KIF26B: variants seen among roughly 807,000 people sequenced by gnomAD.
The protein encoded by KIF26B is kinesin family member 26B, also known as kinesin-like protein KIF26B.
KIF26B carries 63 observed loss-of-function variants against 151.2 expected under a neutral mutation model. The observed-to-expected ratio is 0.42, with a 90% CI of 0.34 to 0.51. The LOEUF (loss-of-function observed/expected upper bound fraction) is 0.51, where lower values mean the gene tolerates loss of function less well. KIF26B is among the 20% of genes least tolerant of loss of function. The probability of loss-of-function intolerance (pLI) is 0.07; values close to 1 mark genes in which losing one functional copy is unlikely to be tolerated. For missense variants in KIF26B, 2,813 were observed against 2,913.6 expected (o/e 0.97, Z 0.79); for synonymous variants, 1,357 against 1,262.1 (o/e 1.08, Z -1.59).
intron 4 of KIF26B, among the ~76,000 whole-genome samples, chr1:245,518,486 A>C (rs1210782306): frequency 2.6e-5 from 4 of 152,340 alleles, no homozygotes; most frequent in Admixed American, 1.3e-4. Flanking sequence ...GATAAAGTCT[A>C]AACAACTTGA....
chr1:245,437,176 C>T (rs750832590), intron 4 of KIF26B, among the ~76,000 whole-genome samples: 14 of 152,140 alleles, frequency 9.2e-5, no homozygotes, highest in African/African-American at 1.9e-4. Context: ...CATGAGCCAC[C>T]GCACCTGGCC....
intron 5 of KIF26B, among the ~76,000 whole-genome samples, chr1:245,595,145 AC>A (rs1319089587): frequency 1.3e-5 from 2 of 152,132 alleles, no homozygotes; most frequent in Non-Finnish European, 2.9e-5. Flanking sequence ...CTATTTGGAT[AC>A]CCTTTATTTC....
rs1285472516 is a variant in KIF26B, at chr1:245,707,839, CT to C, written c.*5235del. On this transcript the variant is annotated 3_prime_UTR_variant, in exon 15 of 15. Transcript: ENST00000407071. Reference sequence around the variant, plus strand: ...GCTTGCACGGAAGAGGACTCAGCCTCTTCCTAATGGTTCAACATTCAATTCC... The same window carrying C: ...GCTTGCACGGAAGAGGACTCAGCCTCTCCTAATGGTTCAACATTCAATTCC... 1 of 152,230 alleles carries C rather than the reference CT, an allele frequency of 6.6e-6. No homozygotes were observed. The highest frequency in any genetic ancestry group is 1.5e-5 in the Non-Finnish European group (1 of 68,042). The allele number at this position is 152,230 out of a possible 1,614,324, so 9.4% of individuals were successfully genotyped here.
intron 5 of KIF26B, among the ~76,000 whole-genome samples, chr1:245,576,563 C>T (rs1235261312): frequency 6.6e-6 from 1 of 152,224 alleles, no homozygotes. Context: ...AGCCTGCTCA[C>T]CAGCTCTGGA....
At chr1:245,604,189 C>T (rs1205702421) in intron 6 of KIF26B, among the ~76,000 whole-genome samples, 16 of 152,158 alleles carry the variant, frequency 1.1e-4, no homozygotes, top group Admixed American at 7.2e-4. Flanking sequence ...GTTTCTAGTG[C>T]TTATCAAGAT....
chr1:245,494,080 G>C (rs1660461831), intron 4 of KIF26B, among the ~76,000 whole-genome samples: 1 of 151,958 alleles, frequency 6.6e-6, no homozygotes, highest in African/African-American at 2.4e-5. Context: ...GAGGTGGGTG[G>C]ATCACCTGAG....
chr1:245,268,560 A>C (rs561387721), intron 2 of KIF26B, among the ~76,000 whole-genome samples: 1 of 151,004 alleles, frequency 6.6e-6, no homozygotes. Flanking sequence ...AATGTGAGGG[A>C]AGTTAGCAGC....
chr1:245,519,471 T>C (rs1412266525), intron 4 of KIF26B, among the ~76,000 whole-genome samples: 1 of 151,954 alleles, frequency 6.6e-6, no homozygotes, highest in African/African-American at 2.4e-5. Context: ...AGAGAATTGC[T>C]TTAACTCAGG....
chr1:245,659,186 T>C (rs749807946), intron 10 of KIF26B, among the ~76,000 whole-genome samples: 74 of 152,246 alleles, frequency 4.9e-4, no homozygotes, highest in Non-Finnish European at 9.0e-4. Context: ...TGCAGTCAGC[T>C]ATGATCATGC....
chr1:245,521,869 C>CT (rs1239443048), intron 4 of KIF26B, among the ~76,000 whole-genome samples: 5 of 151,042 alleles, frequency 3.3e-5, no homozygotes, highest in East Asian at 1.9e-4. Context: ...GTCCATTTTT[C>CT]TTTTTTTTTG....
In KIF26B at chr1:245,686,871, C is replaced by T. The variant is rs760973653; in HGVS notation, c.3888C>T (p.His1296=). Residue 1296 remains histidine (H), a synonymous_variant, in exon 12 of 15, where the codon CAC becomes CAT. Coordinates refer to ENST00000407071, the MANE Select transcript of KIF26B (RefSeq NM_018012.4). The surrounding 1 kb of genome is among the most constrained non-coding windows in gnomAD (Gnocchi z 5.6). ...GCAGTGAGGGTGAGCAGTCGTGCCA[C>T]AGTTTCATAGCCCAGACGTGTTTTG... ...SAGSEGEQSC[H]SFIAQTCFGH... 5.0e-6 allele frequency: 8 copies of T among 1,613,658 alleles called. No individual in the cohort carries two copies. The South Asian group carries it at 7.7e-5, about 16-fold the overall frequency.
chr1:245,245,686 A>C (rs1670314723), intron 2 of KIF26B, among the ~76,000 whole-genome samples: 1 of 152,130 alleles, frequency 6.6e-6, no homozygotes, highest in Non-Finnish European at 1.5e-5. Context: ...TAACCCCGGC[A>C]CTTTGGGAGG....
intron 4 of KIF26B, among the ~76,000 whole-genome samples, chr1:245,473,477 A>AAGAGGCTGAATTCTATATTCTGC (rs1659957798): frequency 6.8e-6 from 1 of 147,340 alleles, no homozygotes; most frequent in Admixed American, 6.6e-5. Context: ...CCATCGACAA[A>AAGAGGCTGAATTCTATATTCTGC]AGAGGCTGAA....
At chr1:245,600,205 AT>A (rs58481874) in intron 5 of KIF26B, among the ~76,000 whole-genome samples, 1 of 110,982 alleles carries the variant, frequency 9.0e-6, no homozygotes, top group Non-Finnish European at 1.9e-5. Context: ...TGCCCGGCTA[AT>A]TTTTTGTATT....
At chr1:245,211,197 G>T (rs541422748) in intron 2 of KIF26B, among the ~76,000 whole-genome samples, 12 of 152,256 alleles carry the variant, frequency 7.9e-5, no homozygotes, top group African/African-American at 2.9e-4. Context: ...GGTGTGGGAC[G>T]GGAGCAGTCA....
intron 2 of KIF26B, among the ~76,000 whole-genome samples, chr1:245,274,174 T>C (rs1255210864): frequency 6.6e-6 from 1 of 152,216 alleles, no homozygotes; most frequent in Non-Finnish European, 1.5e-5. Context: ...AAATTCATGT[T>C]TTTATGTTGT....
chr1:245,273,430 A>C (rs1333744207), intron 2 of KIF26B, among the ~76,000 whole-genome samples: 1 of 151,764 alleles, frequency 6.6e-6, no homozygotes, highest in Non-Finnish European at 1.5e-5. Flanking sequence ...AAAAAAAAAA[A>C]AAAAAAAAAA....
chr1:245,283,261 G>A (rs1024486999), intron 2 of KIF26B, among the ~76,000 whole-genome samples: 13 of 148,590 alleles, frequency 8.7e-5, no homozygotes, highest in African/African-American at 3.0e-4. Context: ...CACCCACCGC[G>A]AGCCCAATCT....
At chr1:245,442,193 G>A (rs1396272891) in intron 4 of KIF26B, among the ~76,000 whole-genome samples, 1 of 152,202 alleles carries the variant, frequency 6.6e-6, no homozygotes, top group Non-Finnish European at 1.5e-5. Flanking sequence ...CGGCTGACAA[G>A]TGGCAGGCTG....
Sources: allele counts gnomAD v4.1 joint callset (sites outside exome capture counted in the v4.1 genomes callset), GRCh38; gene constraint gnomAD v4.1.1; non-coding constraint Gnocchi (gnomAD v3.1); transcripts MANE v1.5; gene names NCBI Gene and HGNC (gene_info 2026-07-23, HGNC 2026-07-21).